Variants in ATP9B observed in about 807,000 individuals in gnomAD.
ATP9B encodes the protein probable phospholipid-transporting ATPase IIB.
Under a neutral mutation model 146.1 loss-of-function variants are expected in ATP9B, and 110 were observed. The observed-to-expected ratio is 0.75, with a 90% CI of 0.65 to 0.88. ATP9B has a LOEUF of 0.88. Among genes scored for constraint, ATP9B ranks in the 40% least tolerant of loss-of-function variants. ATP9B has a pLI of 0.00. For synonymous variants in ATP9B, 604 were observed against 569.7 expected, an observed-to-expected ratio of 1.06 and a Z score of -0.86; for missense variants, 1,499 against 1,496.4, an observed-to-expected ratio of 1.00 and a Z score of -0.03.
intron 21 of ATP9B, among the ~76,000 whole-genome samples, 196 bp from the exon 22 acceptor site, chr18:79,345,232 T>TA (rs1481107602): frequency 6.6e-6 from 1 of 152,140 alleles, no homozygotes; most frequent in Non-Finnish European, 1.5e-5. Context: ...GGTTCCATGT[T>TA]ACATAGAATT....
intron 8 of ATP9B, among the ~76,000 whole-genome samples, chr18:79,189,494 T>A (rs917151154): frequency 1.2e-4 from 19 of 152,268 alleles, no homozygotes; most frequent in African/African-American, 4.6e-4. Flanking sequence ...TCCCCCCAAA[T>A]TTAACTGTTA....
intron 11 of ATP9B, among the ~76,000 whole-genome samples, chr18:79,228,549 A>G (rs920213143): frequency 1.3e-5 from 2 of 152,220 alleles, no homozygotes; most frequent in Non-Finnish European, 2.9e-5. Context: ...CAGTCTTTAA[A>G]GAGATTATAA....
intron 5 of ATP9B, among the ~76,000 whole-genome samples, chr18:79,140,759 A>T (rs1302547106): frequency 1.3e-5 from 2 of 152,144 alleles, no homozygotes; most frequent in African/African-American, 2.4e-5. Context: ...CAGCCTGGGC[A>T]ACAAGAGTGA....
At chr18:79,368,296 C>T (rs982603799) in intron 26 of ATP9B, among the ~76,000 whole-genome samples, 1 of 152,212 alleles carries the variant, frequency 6.6e-6, no homozygotes, top group Admixed American at 6.5e-5. Flanking sequence ...GCTGCCCGGG[C>T]TGGAGAATCA....
At chr18:79,269,392 T>G (rs1402102662) in intron 12 of ATP9B, among the ~76,000 whole-genome samples, 4 of 152,272 alleles carry the variant, frequency 2.6e-5, no homozygotes, top group African/African-American at 9.6e-5. Flanking sequence ...AAGGAATTTC[T>G]TAATTTTAAT....
chr18:79,221,827 AACTT>A (rs763863733), intron 11 of ATP9B, among the ~76,000 whole-genome samples: 1 of 150,406 alleles, frequency 6.6e-6, no homozygotes, highest in Non-Finnish European at 1.5e-5. Context: ...TTTTTTTTTA[AACTT>A]CTAGTTCTCC....
intron 8 of ATP9B, 26 bp downstream of exon 8, chr18:79,176,933 C>T (rs72996116): frequency 1.2e-4 from 198 of 1,587,744 alleles, no homozygotes; most frequent in Non-Finnish European, 1.7e-4. Flanking sequence ...ACTACTCCAT[C>T]CTTTTATCTT....
At chr18:79,200,759 G>GGACTGTCGGGGTC (rs1568388766) in intron 9 of ATP9B, among the ~76,000 whole-genome samples, 7 of 152,258 alleles carry the variant, frequency 4.6e-5, no homozygotes, top group African/African-American at 7.2e-5. Context: ...GTGGAGGTGG[G>GGACTGTCGGGGTC]AACGTTGGGG....
At chr18:79,190,289 A>T (rs2095351558) in intron 8 of ATP9B, among the ~76,000 whole-genome samples, 1 of 152,160 alleles carries the variant, frequency 6.6e-6, no homozygotes, top group Non-Finnish European at 1.5e-5. Flanking sequence ...TGTTATACCT[A>T]ACTTTAAACA....
intron 4 of ATP9B, chr18:79,117,921 T>C (rs760739773): frequency 6.6e-6 from 1 of 152,262 alleles, no homozygotes; most frequent in Non-Finnish European, 1.5e-5. Context: ...TGCAATATTA[T>C]TTTGTATGCT....
At chr18:79,240,500 C>G (rs1442642107) in intron 11 of ATP9B, among the ~76,000 whole-genome samples, 1 of 152,210 alleles carries the variant, frequency 6.6e-6, no homozygotes, top group Admixed American at 6.5e-5. Flanking sequence ...AATGCCAGCA[C>G]TTTGGGAGGC....
chr18:79,121,175 T>C (rs1022807864), intron 4 of ATP9B, among the ~76,000 whole-genome samples: 1 of 152,374 alleles, frequency 6.6e-6, no homozygotes, highest in South Asian at 2.1e-4. Context: ...TGTACCCATC[T>C]AACTTTTTCT....
intron 2 of ATP9B, among the ~76,000 whole-genome samples, chr18:79,104,057 G>T (rs926276942): frequency 1.4e-4 from 21 of 152,164 alleles, no homozygotes; most frequent in Admixed American, 9.8e-4. Flanking sequence ...TCCTGACCTG[G>T]TGACCTAAAG....
chr18:79,072,708 C>G (rs2072024327), intron 1 of ATP9B, among the ~76,000 whole-genome samples: 1 of 86,538 alleles, frequency 1.2e-5, no homozygotes, highest in Non-Finnish European at 2.5e-5. Flanking sequence ...GGCGCCCCCC[C>G]ACCTCCCAGA....
intron 12 of ATP9B, among the ~76,000 whole-genome samples, chr18:79,259,234 C>G (rs564090436): frequency 3.9e-5 from 6 of 152,208 alleles, no homozygotes; most frequent in Non-Finnish European, 7.4e-5. Context: ...TCCCTAAATC[C>G]TGTGCATCTC....
At position 79,153,653 on chromosome 18, in the gene ATP9B, C is replaced by CT. The variant is rs10618228; in HGVS notation, c.727-836dup. Reference sequence around the variant, plus strand: ...TTTAACGTTTTTTTCAGACATAAAGCTTTTTTTTTTTTTTTGAAACAGGGT... The same window carrying CT: ...TTTAACGTTTTTTTCAGACATAAAGCTTTTTTTTTTTTTTTTGAAACAGGGT... On this transcript the variant is annotated intron_variant, in intron 6 of 29. Coordinates refer to ENST00000426216, the MANE Select transcript of ATP9B (RefSeq NM_198531.5). 3.3e-3 allele frequency among the ~76,000 whole-genome samples: 470 copies of CT among 143,150 alleles called. 5 individuals carry two copies. The highest frequency in any genetic ancestry group is 9.1e-3 in the African/African-American group (349 of 38,212). 93.9% of individuals were successfully genotyped at this position (143,150 alleles called of 152,430 possible).
intron 13 of ATP9B, among the ~76,000 whole-genome samples, chr18:79,294,256 C>T (rs1284732483): frequency 6.6e-6 from 1 of 152,228 alleles, no homozygotes; most frequent in Non-Finnish European, 1.5e-5. Flanking sequence ...GTCCCAAAGT[C>T]AATGATAAGT....
intron 17 of ATP9B, among the ~76,000 whole-genome samples, chr18:79,335,148 C>G (rs951593107): frequency 3.9e-5 from 6 of 152,234 alleles, no homozygotes; most frequent in Non-Finnish European, 8.8e-5. Context: ...ATTCTCTCCG[C>G]TGGCTATGTG....
Position 79,336,628 on chromosome 18 carries a change from T to C in ATP9B, c.2029T>C (p.Cys677Arg). Residue 677 changes from cysteine (C) to arginine (R), a missense_variant and splice_region_variant, in exon 18 of 30, where the codon TGC (cysteine) becomes CGC (arginine). Physicochemically the swap from Cys to Arg is radical, Grantham distance 180. Coordinates refer to ENST00000426216, the MANE Select transcript of ATP9B (RefSeq NM_198531.5). ...TGTGACTCGGCCTCTCCTTTTCCAG[T>C]GCGGAAACATGGCTCGCGAAGGACT... ...VQYNDWLEEE[C>R]GNMAREGLRT... The C allele has an allele frequency of 6.2e-7, 1 of 1,613,848 alleles. No homozygotes were observed. The highest frequency in any genetic ancestry group is 8.5e-7 in the Non-Finnish European group (1 of 1,179,946).
Sources: allele counts gnomAD v4.1 joint callset (sites outside exome capture counted in the v4.1 genomes callset), GRCh38; gene constraint gnomAD v4.1.1; transcripts MANE v1.5; gene names NCBI Gene and HGNC (gene_info 2026-07-23, HGNC 2026-07-21).